The following DOCK9 variants were observed in gnomAD, a reference collection of about 807,000 sequenced individuals.
DOCK9 encodes dedicator of cytokinesis 9, also known as dedicator of cytokinesis protein 9.
A neutral mutation model predicts 263.3 loss-of-function variants in DOCK9; 89 were observed. The observed-to-expected ratio is 0.34, with a 90% CI of 0.28 to 0.40. The LOEUF (loss-of-function observed/expected upper bound fraction) is 0.40. DOCK9 is among the 10% of genes least tolerant of loss of function. The pLI is 1.00. For missense variants in DOCK9, 2,140 were observed against 2,603.4 expected (o/e 0.82, Z 3.87); for synonymous variants, 976 against 973.1 (o/e 1.00, Z -0.06).
At chr13:98,868,039 AT>A in intron 28 of DOCK9, 28 bp from the exon 29 acceptor site, 1 of 1,604,578 alleles carries the variant, frequency 6.2e-7, no homozygotes, top group Non-Finnish European at 8.5e-7. Flanking sequence ...CAAAAAAGTT[AT>A]TTCAGGTCCA....
intron 4 of DOCK9, among the ~76,000 whole-genome samples, chr13:98,925,267 G>T (rs1595371525): frequency 6.6e-6 from 1 of 152,122 alleles, no homozygotes; most frequent in Non-Finnish European, 1.5e-5. Flanking sequence ...TTTTATAAAA[G>T]ATAGTCTGTC....
intron 1 of DOCK9, among the ~76,000 whole-genome samples, chr13:99,055,545 G>A (rs1395271937): frequency 2.0e-5 from 3 of 152,206 alleles, no homozygotes; most frequent in South Asian, 2.1e-4. Flanking sequence ...GCAGCCAGGC[G>A]CACAGGGTCA....
intron 24 of DOCK9, 98 bp downstream of exon 24, chr13:98,881,794 G>T: frequency 1.6e-6 from 2 of 1,282,034 alleles, no homozygotes; most frequent in Non-Finnish European, 2.2e-6. Flanking sequence ...TTTCTTAAAT[G>T]TAATGTTCAG....
At chr13:98,822,846 T>C (rs1202600332) in intron 45 of DOCK9, among the ~76,000 whole-genome samples, 1 of 152,176 alleles carries the variant, frequency 6.6e-6, no homozygotes, top group Non-Finnish European at 1.5e-5. Context: ...GTACACTCAA[T>C]ATGTTATCCT....
intron 2 of DOCK9, among the ~76,000 whole-genome samples, chr13:98,949,444 C>A (rs2057137893): frequency 6.6e-6 from 1 of 152,038 alleles, no homozygotes; most frequent in Non-Finnish European, 1.5e-5. Context: ...ACAAAAGATG[C>A]AACTAAGCAG....
In DOCK9 at chr13:98,839,153, G is replaced by A. The variant is rs537566766; in HGVS notation, c.4199-1544C>T. On this transcript the variant is annotated intron_variant, in intron 38 of 52. Coordinates refer to ENST00000682017, the MANE Select transcript of DOCK9 (RefSeq NM_001366683.2). ...TTTACAAAGGTGGTGCTGAGATCCT[G>A]TTGTGGATCACATCACTTCCACTCT... Among the ~76,000 whole-genome samples, 59 of 152,336 alleles carry A rather than the reference G, an allele frequency of 3.9e-4. No individual in the cohort carries two copies. In the South Asian group the frequency reaches 0.01, roughly 27 times the overall value.
chr13:98,882,965 A>C (rs1441581266), intron 23 of DOCK9, 77 bp downstream of exon 23: 1 of 1,198,446 alleles, frequency 8.3e-7, no homozygotes, highest in Non-Finnish European at 1.2e-6. Context: ...GGGTGAGAAC[A>C]CCACTCACCA....
chr13:98,956,590 T>C (rs1424172920), intron 1 of DOCK9, among the ~76,000 whole-genome samples: 1 of 151,544 alleles, frequency 6.6e-6, no homozygotes, highest in Non-Finnish European at 1.5e-5. Flanking sequence ...CTACAAAAAG[T>C]ATAAAAATTA....
intron 1 of DOCK9, among the ~76,000 whole-genome samples, chr13:98,983,593 C>T (rs139871362): frequency 5.3e-5 from 8 of 151,844 alleles, no homozygotes; most frequent in African/African-American, 1.9e-4. Context: ...GATATAAAGT[C>T]TCATGCCCTC....
intron 1 of DOCK9, among the ~76,000 whole-genome samples, chr13:98,966,298 G>A (rs1482715690): frequency 2.0e-5 from 3 of 152,342 alleles, no homozygotes; most frequent in Non-Finnish European, 4.4e-5. Context: ...CCAACACCAG[G>A]CCAGGAAGGG....
chr13:98,925,927 A>AG lies in DOCK9; in HGVS notation c.334-9dup. The AG allele has an allele frequency of 6.5e-7, 1 of 1,543,700 alleles. No individual in the cohort carries two copies. On this transcript the variant is annotated splice_polypyrimidine_tract_variant and intron_variant, in intron 3 of 52. Transcript: ENST00000682017. ...GTTATAGGTTTTGATGCACTATTGAAGGGGGATTTTAAAAATAGAAAATAA... is the reference window on the plus strand; with the variant it reads ...GTTATAGGTTTTGATGCACTATTGAAGGGGGGATTTTAAAAATAGAAAATAA...
At chr13:98,931,784 G>T (rs527604089) in intron 2 of DOCK9, among the ~76,000 whole-genome samples, 1 of 151,188 alleles carries the variant, frequency 6.6e-6, no homozygotes, top group South Asian at 2.1e-4. Flanking sequence ...TTTTAGTACA[G>T]ATGGGGTTTC....
At position 98,885,011 on chromosome 13, in the gene DOCK9, G is replaced by T. The variant is rs2045456103; in HGVS notation, c.2342C>A (p.Pro781His). The T allele has an allele frequency of 6.2e-7, 1 of 1,613,578 alleles. No homozygotes were observed. Among genetic ancestry groups the T allele is most frequent in the Admixed American group, 1.7e-5 (1 of 59,962 alleles). The stretch of plus-strand genomic sequence containing the variant: ...CTCCTGGTAGCCAAGATAGCCCGAA[G>T]GAAGGTTCGCCGAGACCGGGATGTG... ...EQHIPVSANL[P>H]SGYLGYQELG... The change falls in exon 21 of 53, where the codon CCT becomes CAT. Residue 781 changes from proline to histidine, a missense_variant. This residue lies in a region of DOCK9 where 1,521 missense variants were observed against 1,741.7 expected (regional missense o/e 0.87). Coordinates refer to ENST00000682017, the MANE Select transcript of DOCK9 (RefSeq NM_001366683.2).
chr13:98,823,817 A>G (rs1296493542), intron 45 of DOCK9, among the ~76,000 whole-genome samples: 1 of 152,246 alleles, frequency 6.6e-6, no homozygotes, highest in Non-Finnish European at 1.5e-5. Flanking sequence ...ATTTGCAGAC[A>G]TTGCTACGGT....
intron 1 of DOCK9, among the ~76,000 whole-genome samples, chr13:98,969,818 G>T (rs2059558601): frequency 6.6e-6 from 1 of 152,242 alleles, no homozygotes; most frequent in Admixed American, 6.5e-5. Flanking sequence ...CAGGTGGAAG[G>T]AAGACTGGAA....
At chr13:98,942,821 G>A (rs1439528771) in intron 2 of DOCK9, among the ~76,000 whole-genome samples, 1 of 152,176 alleles carries the variant, frequency 6.6e-6, no homozygotes, top group Non-Finnish European at 1.5e-5. Flanking sequence ...ACATGGGACT[G>A]TGCTGACTAC....
At chr13:98,936,632 A>G (rs984953176) in intron 2 of DOCK9, among the ~76,000 whole-genome samples, 4 of 88,168 alleles carry the variant, frequency 4.5e-5, no homozygotes, top group Non-Finnish European at 1.1e-4. Context: ...ACAAAAAAAA[A>G]AAAAAGAAAG....
chr13:99,011,434 T>C (rs749234911), intron 1 of DOCK9, among the ~76,000 whole-genome samples: 37 of 152,198 alleles, frequency 2.4e-4, no homozygotes, highest in Non-Finnish European at 4.6e-4. Context: ...AGTTAACTGA[T>C]GACTTGGCTG....
In DOCK9 at chr13:98,999,288, G is replaced by GCACACACACACA. The variant is rs1412789503; in HGVS notation, c.130-43738_130-43737insTGTGTGTGTGTG. On this transcript the variant is annotated intron_variant, in intron 1 of 32. Transcript: ENST00000427887. ...TGAACAGATGTGTGCACGCATGCAC[G>GCACACACACACA]CGCACACACACACACACACACACAC... Among the ~76,000 whole-genome samples the GCACACACACACA allele has an allele frequency of 9.9e-4, 136 of 137,648 alleles. 1 individual carries two copies. The highest frequency in any genetic ancestry group is 4.0e-3 in the Middle Eastern group (1 of 250). The allele number at this position is 137,648 out of a possible 152,430, so 90.3% of individuals were successfully genotyped here.
Sources: allele counts gnomAD v4.1 joint callset (sites outside exome capture counted in the v4.1 genomes callset), GRCh38; gene constraint gnomAD v4.1.1; regional missense constraint gnomAD v4.1.1; transcripts MANE v1.5; gene names NCBI Gene and HGNC (gene_info 2026-07-23, HGNC 2026-07-21).